ADAMTS17: variants seen among roughly 807,000 people sequenced by gnomAD.
ADAMTS17 encodes A disintegrin and metalloproteinase with thrombospondin motifs 17.
A neutral mutation model predicts 141.5 loss-of-function variants in ADAMTS17; 113 were observed. The observed-to-expected ratio is 0.80, with a 90% CI of 0.69 to 0.93. The LOEUF (loss-of-function observed/expected upper bound fraction) is 0.93. ADAMTS17 is among the 40% of genes least tolerant of loss of function. The pLI is 0.00. For missense variants in ADAMTS17, 1,659 were observed against 1,517.9 expected, an observed-to-expected ratio of 1.09 and a Z score of -1.54; for synonymous variants, 768 against 630.6, an observed-to-expected ratio of 1.22 and a Z score of -3.27.
chr15:100,036,967 G>A (rs1447529541), intron 18 of ADAMTS17, among the ~76,000 whole-genome samples: 1 of 152,146 alleles, frequency 6.6e-6, no homozygotes, highest in Non-Finnish European at 1.5e-5. Flanking sequence ...ATTCTTCAGT[G>A]AATGAACATG....
intron 4 of ADAMTS17, among the ~76,000 whole-genome samples, chr15:100,278,570 CCTCTA>C (rs908093877): frequency 6.6e-6 from 1 of 152,130 alleles, no homozygotes; most frequent in African/African-American, 2.4e-5. Flanking sequence ...CGACATGAGG[CCTCTA>C]CTCTGAGTGC....
intron 7 of ADAMTS17, among the ~76,000 whole-genome samples, chr15:100,231,504 G>A (rs984942507): frequency 1.3e-5 from 2 of 152,206 alleles, no homozygotes; most frequent in African/African-American, 4.8e-5. Flanking sequence ...AGGAAGAAAA[G>A]AATCCTGGCC....
chr15:100,118,763 G>A (rs1481607660), intron 12 of ADAMTS17, among the ~76,000 whole-genome samples: 4 of 152,168 alleles, frequency 2.6e-5, no homozygotes, highest in Non-Finnish European at 5.9e-5. Flanking sequence ...TGGATCAGTA[G>A]GAGAAACATC....
At chr15:100,297,232 G>A (rs2044855348) in intron 3 of ADAMTS17, among the ~76,000 whole-genome samples, 1 of 152,198 alleles carries the variant, frequency 6.6e-6, no homozygotes, top group African/African-American at 2.4e-5. Context: ...GCAAGAGCAA[G>A]AGAGAACGTA....
chr15:100,243,437 T>C (rs1281727098), intron 7 of ADAMTS17, among the ~76,000 whole-genome samples: 1 of 152,218 alleles, frequency 6.6e-6, no homozygotes, highest in Non-Finnish European at 1.5e-5. Context: ...TCACCAGCAG[T>C]GCACAAGGGT....
At chr15:100,096,159 C>T (rs1337497632) in intron 15 of ADAMTS17, among the ~76,000 whole-genome samples, 197 bp downstream of exon 15, 1 of 152,196 alleles carries the variant, frequency 6.6e-6, no homozygotes, top group Non-Finnish European at 1.5e-5. Context: ...GCAAACTATT[C>T]ACTACTAGCA....
chr15:100,105,058 CTTT>C lies in ADAMTS17; in HGVS notation c.2016+3928_2016+3930del. Among the ~76,000 whole-genome samples, 3 of 152,312 alleles carry C rather than the reference CTTT, an allele frequency of 2.0e-5. No individual in the cohort carries two copies. The South Asian group carries it at 6.2e-4, about 32-fold the overall frequency. ...GTACTGTTAGACAAATAGCAGATGG[CTTT>C]TTAACTTCCTTCAGAAAGCAAGTTG... On this transcript the variant is annotated intron_variant, in intron 14 of 21. Transcript: ENST00000268070.
At chr15:100,319,057 G>C (rs1056494291) in intron 3 of ADAMTS17, among the ~76,000 whole-genome samples, 1 of 152,258 alleles carries the variant, frequency 6.6e-6, no homozygotes, top group Non-Finnish European at 1.5e-5. Context: ...ATGTGCACTT[G>C]TGGAAGAGCC....
chr15:100,107,849 G>C (rs1049980423), intron 14 of ADAMTS17, among the ~76,000 whole-genome samples: 12 of 152,158 alleles, frequency 7.9e-5, no homozygotes, highest in African/African-American at 2.9e-4. Context: ...CTGGTCTATG[G>C]TGTATCGTTA....
intron 8 of ADAMTS17, among the ~76,000 whole-genome samples, chr15:100,165,891 T>C (rs1345718595): frequency 6.6e-6 from 1 of 151,288 alleles, no homozygotes; most frequent in African/African-American, 2.4e-5. Flanking sequence ...TTCTCTCTTT[T>C]TTGTTTTTTT....
intron 3 of ADAMTS17, among the ~76,000 whole-genome samples, chr15:100,282,843 T>C (rs904475755): frequency 1.3e-5 from 2 of 152,174 alleles, no homozygotes; most frequent in Non-Finnish European, 2.9e-5. Context: ...GAAGATGACT[T>C]AGAGATCTAG....
At chr15:100,135,037 C>T (rs573024866) in intron 10 of ADAMTS17, among the ~76,000 whole-genome samples, 179 of 152,224 alleles carry the variant, frequency 1.2e-3, no homozygotes, top group African/African-American at 4.2e-3. Context: ...ACAAGGCTGA[C>T]CCAGGGGGAG....
chr15:100,303,265 C>T (rs1339863427), intron 3 of ADAMTS17, among the ~76,000 whole-genome samples: 1 of 149,016 alleles, frequency 6.7e-6, no homozygotes, highest in Non-Finnish European at 1.5e-5. Context: ...CTCGAGAGAA[C>T]CCTGATACAC....
At chr15:100,202,648 A>C (rs964793605) in intron 7 of ADAMTS17, among the ~76,000 whole-genome samples, 2 of 152,262 alleles carry the variant, frequency 1.3e-5, no homozygotes, top group Non-Finnish European at 2.9e-5. Flanking sequence ...GTTTCTAAAA[A>C]GAAACTGCAG....
At chr15:100,011,336 GGAA>G (rs2061170467) in intron 18 of ADAMTS17, among the ~76,000 whole-genome samples, 1 of 128,002 alleles carries the variant, frequency 7.8e-6, no homozygotes, top group Non-Finnish European at 1.7e-5. Context: ...AGGGAGGGAG[GGAA>G]GGAAAGGAGG....
At chr15:100,295,930 A>T (rs571532444) in intron 3 of ADAMTS17, among the ~76,000 whole-genome samples, 14 of 152,326 alleles carry the variant, frequency 9.2e-5, no homozygotes, top group African/African-American at 3.4e-4. Flanking sequence ...GTACTTCCAC[A>T]CTACAGAATG....
chr15:100,025,022 A>ACAGT (rs2061479382), intron 18 of ADAMTS17, among the ~76,000 whole-genome samples: 1 of 152,346 alleles, frequency 6.6e-6, no homozygotes, highest in East Asian at 1.9e-4. Context: ...TCAGGATCAC[A>ACAGT]CAGTCAGGGA....
chr15:100,051,754 G>C, intron 16 of ADAMTS17, 23 bp from the exon 17 acceptor site: 1 of 1,614,092 alleles, frequency 6.2e-7, no homozygotes, highest in South Asian at 1.1e-5. Flanking sequence ...CAAAACAAAA[G>C]GCCATTTTGA....
At chr15:100,185,747 A>T (rs1460461431) in intron 8 of ADAMTS17, among the ~76,000 whole-genome samples, 2 of 152,154 alleles carry the variant, frequency 1.3e-5, no homozygotes, top group Non-Finnish European at 2.9e-5. Flanking sequence ...CCTCGTCCAC[A>T]TAAAGACACT....
Sources: allele counts gnomAD v4.1 joint callset (sites outside exome capture counted in the v4.1 genomes callset), GRCh38; gene constraint gnomAD v4.1.1; transcripts MANE v1.5; gene names NCBI Gene and HGNC (gene_info 2026-07-23, HGNC 2026-07-21).